INPP4B: variants seen among roughly 807,000 people sequenced by gnomAD.
INPP4B encodes inositol polyphosphate 4-phosphatase type II.
In INPP4B, 55 loss-of-function variants were observed where a neutral mutation model predicts 122.5. The ratio of observed to expected loss-of-function variants is 0.45; its 90% CI spans 0.36 to 0.56. The LOEUF is 0.56. Among genes scored for constraint, INPP4B ranks in the 20% least tolerant of loss-of-function variants. INPP4B has a pLI of 0.00. For missense variants in INPP4B, 1,000 were observed against 1,097.7 expected (o/e 0.91, Z 1.26); for synonymous variants, 403 against 388.7 (o/e 1.04, Z -0.43).
intron 1 of INPP4B, among the ~76,000 whole-genome samples, chr4:142,755,643 C>A (rs56207111): frequency 0.077 from 11,760 of 151,982 alleles, 525 homozygotes; most frequent in Middle Eastern, 0.12. Context: ...GAGCCATGCA[C>A]AAACTATTTT....
chr4:142,150,396 T>C (rs371724128), intron 17 of INPP4B, among the ~76,000 whole-genome samples: 30 of 152,308 alleles, frequency 2.0e-4, no homozygotes, highest in African/African-American at 5.8e-4. Flanking sequence ...TGCTGGGACT[T>C]TTCCCCAGAA....
intron 7 of INPP4B, among the ~76,000 whole-genome samples, chr4:142,368,142 C>T (rs999072174): frequency 1.3e-5 from 2 of 152,070 alleles, no homozygotes; most frequent in Non-Finnish European, 2.9e-5. Context: ...AAATAAAGGC[C>T]ACTGCCTGAG....
intron 5 of INPP4B, among the ~76,000 whole-genome samples, chr4:142,406,998 C>T (rs535932511): frequency 2.0e-5 from 3 of 151,964 alleles, no homozygotes; most frequent in Non-Finnish European, 4.4e-5. Context: ...GAAGACCCAC[C>T]GCCACACCAC....
chr4:142,589,800 C>T (rs4560494), intron 2 of INPP4B, among the ~76,000 whole-genome samples: 2,356 of 152,140 alleles, frequency 0.015, 47 homozygotes, highest in East Asian at 0.051. Flanking sequence ...TTTGAAAGCA[C>T]GTTTACCTAG....
At chr4:142,250,073 AC>A (rs1157385697) in intron 11 of INPP4B, among the ~76,000 whole-genome samples, 9 of 152,244 alleles carry the variant, frequency 5.9e-5, no homozygotes, top group African/African-American at 2.2e-4. Context: ...TTTATTACAT[AC>A]TGTGTCTTCT....
At chr4:142,438,213 A>C (rs1170447206) in intron 3 of INPP4B, among the ~76,000 whole-genome samples, 1 of 152,208 alleles carries the variant, frequency 6.6e-6, no homozygotes, top group Non-Finnish European at 1.5e-5. Context: ...TTTAAAATTC[A>C]TATGGAACCA....
intron 14 of INPP4B, chr4:142,202,776 A>G (rs1561470019): frequency 5.1e-6 from 5 of 985,126 alleles, no homozygotes; most frequent in Non-Finnish European, 6.0e-6. Flanking sequence ...TCTGAAAAAC[A>G]ACAAACAAAA....
chr4:142,326,680 G>A (rs1772505015), intron 7 of INPP4B, among the ~76,000 whole-genome samples: 1 of 152,138 alleles, frequency 6.6e-6, no homozygotes, highest in African/African-American at 2.4e-5. Flanking sequence ...AGACCCGGAT[G>A]GTGATAGGCT....
intron 5 of INPP4B, among the ~76,000 whole-genome samples, chr4:142,414,811 C>G (rs1299923332): frequency 6.6e-6 from 1 of 152,204 alleles, no homozygotes; most frequent in Non-Finnish European, 1.5e-5. Flanking sequence ...TGCATTCAGA[C>G]TTGGCTCTTT....
chr4:142,776,058 G>A (rs989058483), intron 1 of INPP4B, among the ~76,000 whole-genome samples: 11 of 152,080 alleles, frequency 7.2e-5, no homozygotes, highest in Admixed American at 5.9e-4. Flanking sequence ...GCTGATATGT[G>A]CTTCTCTAAT....
At chr4:142,565,010 A>G (rs190292101) in intron 2 of INPP4B, among the ~76,000 whole-genome samples, 8 of 152,238 alleles carry the variant, frequency 5.3e-5, no homozygotes, top group African/African-American at 1.7e-4. Context: ...ATCCAAACAC[A>G]CACTTCGCAT....
intron 2 of INPP4B, among the ~76,000 whole-genome samples, chr4:142,580,185 ACTGGGTGGGGAGAAAATACT>A (rs1022050819): frequency 1.3e-5 from 2 of 151,602 alleles, no homozygotes; most frequent in African/African-American, 4.8e-5. Flanking sequence ...GGACTAGAAG[ACTGGGTGGGGAGAAAATACT>A]TGGGTTCAAA....
intron 3 of INPP4B, among the ~76,000 whole-genome samples, chr4:142,461,806 A>AACAC (rs3076617): frequency 4.0e-5 from 6 of 150,794 alleles, no homozygotes; most frequent in South Asian, 2.1e-4. Context: ...TAAAAGTACA[A>AACAC]ACACACACAC....
intron 2 of INPP4B, among the ~76,000 whole-genome samples, chr4:142,567,291 T>G (rs2150145056): frequency 6.6e-6 from 1 of 152,192 alleles, no homozygotes; most frequent in Non-Finnish European, 1.5e-5. Flanking sequence ...GGTCAGAGGG[T>G]GGGCAGAAGA....
At chr4:142,363,531 A>C (rs6852978) in intron 7 of INPP4B, among the ~76,000 whole-genome samples, 1,679 of 152,078 alleles carry the variant, frequency 0.011, 41 homozygotes, top group African/African-American at 0.039. Context: ...GCTTCTGAGG[A>C]GTAAATGTTA....
At chr4:142,075,610 T>C (rs973993520) in intron 25 of INPP4B, among the ~76,000 whole-genome samples, 6 of 151,972 alleles carry the variant, frequency 3.9e-5, no homozygotes, top group Non-Finnish European at 7.4e-5. Flanking sequence ...TATCCAAAGA[T>C]GCACTTTTAG....
At chr4:142,824,929 G>T (rs1382132073) in intron 1 of INPP4B, among the ~76,000 whole-genome samples, 1 of 151,908 alleles carries the variant, frequency 6.6e-6, no homozygotes, top group Non-Finnish European at 1.5e-5. Flanking sequence ...AAGTGTTGAG[G>T]ACTTTTTTTT....
intron 7 of INPP4B, among the ~76,000 whole-genome samples, chr4:142,327,458 A>G (rs1395700057): frequency 1.3e-5 from 2 of 152,042 alleles, no homozygotes; most frequent in African/African-American, 4.8e-5. Flanking sequence ...AAAAAAAAGT[A>G]TATGGGCATG....
At chr4:142,106,966 C>CT (rs200755604) in intron 23 of INPP4B, among the ~76,000 whole-genome samples, 2,512 of 151,852 alleles carry the variant, frequency 0.017, 89 homozygotes, top group African/African-American at 0.058. Flanking sequence ...ATAATAAACT[C>CT]TTTTTTTTCA....
Sources: gnomAD v4.1 joint callset for allele counts (sites outside exome capture counted in the v4.1 genomes callset) on GRCh38, gnomAD v4.1.1 for gene constraint, MANE v1.5 for transcripts, NCBI Gene and HGNC (gene_info 2026-07-23, HGNC 2026-07-21) for gene names.